KCTD16: variants seen among roughly 807,000 people sequenced by gnomAD.
The protein encoded by KCTD16 is potassium channel tetramerization domain containing 16, also known as BTB/POZ domain-containing protein KCTD16.
A neutral mutation model predicts 33.2 loss-of-function variants in KCTD16; 13 were observed. The ratio of observed to expected loss-of-function variants is 0.39; its 90% confidence interval spans 0.25 to 0.62. The LOEUF (loss-of-function observed/expected upper bound fraction) is 0.62. Among genes scored for constraint, KCTD16 ranks in the 20% least tolerant of loss-of-function variants. The pLI is 0.50. For synonymous variants in KCTD16, 197 were observed against 195.3 expected (o/e 1.01, Z -0.07); for missense variants, 441 against 525.1 (o/e 0.84, Z 1.57).
chr5:144,219,551 C>T (rs1346306547), intron 3 of KCTD16, among the ~76,000 whole-genome samples: 3 of 118,298 alleles, frequency 2.5e-5, no homozygotes, highest in Non-Finnish European at 5.0e-5. Context: ...GACGGAGTCT[C>T]GCTCTGTCTC....
At chr5:144,309,759 A>G (rs1047404777) in intron 3 of KCTD16, among the ~76,000 whole-genome samples, 7 of 151,692 alleles carry the variant, frequency 4.6e-5, no homozygotes, top group Non-Finnish European at 5.9e-5. Context: ...AGACAATCCT[A>G]TGAGAGATGG....
Position 144,326,363 on chromosome 5 carries a change from A to G in KCTD16, c.832+118817A>G, listed in dbSNP as rs144720111. ...AGCAGGAGAAAAATAGAAAATAATT[A>G]TCTCATCGAGGAACAAATAGATCTA... On this transcript the variant is annotated intron_variant, in intron 3 of 3. Coordinates refer to ENST00000512467, the MANE Select transcript of KCTD16 (RefSeq NM_020768.4). Among the ~76,000 whole-genome samples the G allele has an allele frequency of 5.4e-3, 817 of 152,298 alleles. 5 individuals are homozygous for G. The highest frequency in any genetic ancestry group is 0.018 in the African/African-American group (766 of 41,572).
intron 3 of KCTD16, among the ~76,000 whole-genome samples, chr5:144,425,332 G>T (rs1753301897): frequency 6.6e-6 from 1 of 151,912 alleles, no homozygotes; most frequent in Non-Finnish European, 1.5e-5. Flanking sequence ...AAGGCCACAG[G>T]CCTATAGCCT....
intron 3 of KCTD16, among the ~76,000 whole-genome samples, chr5:144,380,088 A>G (rs1752177830): frequency 6.6e-6 from 1 of 152,168 alleles, no homozygotes; most frequent in Non-Finnish European, 1.5e-5. Context: ...TACCTAGAAA[A>G]CCCCATAGTC....
chr5:144,409,262 T>A (rs755859084), intron 3 of KCTD16, among the ~76,000 whole-genome samples: 21 of 152,316 alleles, frequency 1.4e-4, no homozygotes, highest in Admixed American at 3.3e-4. Flanking sequence ...TTTTTACATG[T>A]CTTTAAGTTT....
intron 3 of KCTD16, among the ~76,000 whole-genome samples, chr5:144,375,016 C>T (rs1228987511): frequency 6.6e-6 from 1 of 152,198 alleles, no homozygotes; most frequent in Non-Finnish European, 1.5e-5. Context: ...ATTGCAACAT[C>T]TCTTAGGTCA....
intron 3 of KCTD16, among the ~76,000 whole-genome samples, chr5:144,230,812 A>G (rs974997041): frequency 3.9e-4 from 59 of 152,346 alleles, no homozygotes; most frequent in African/African-American, 1.4e-3. Flanking sequence ...ATATTGTCCC[A>G]GAGATGGCAA....
Position 144,185,508 on chromosome 5 carries a change from T to C in KCTD16, c.-327+11036T>C, listed in dbSNP as rs114349534. Among the ~76,000 whole-genome samples the C allele has an allele frequency of 3.4e-3, 511 of 152,234 alleles. 4 individuals carry two copies. The highest frequency in any genetic ancestry group is 0.012 in the African/African-American group (495 of 41,532). On this transcript the variant is annotated intron_variant, in intron 2 of 3. Coordinates refer to ENST00000512467, the MANE Select transcript of KCTD16 (RefSeq NM_020768.4). ...CTTTTTTGGCTCTGGTTGAGCTTCA[T>C]GTCCATTGCTGTAATAAAAATGGTG...
At chr5:144,198,541 A>C (rs1040256900) in intron 2 of KCTD16, among the ~76,000 whole-genome samples, 1 of 152,138 alleles carries the variant, frequency 6.6e-6, no homozygotes, top group Non-Finnish European at 1.5e-5. Flanking sequence ...TGCAGATGCC[A>C]CTGGTAAGAT....
rs544205382 is a variant in KCTD16, at chr5:144,315,508, C to G, written c.832+107962C>G. Among the ~76,000 whole-genome samples the G allele has an allele frequency of 3.3e-5, 5 of 151,934 alleles. No individual in the cohort carries two copies. In the South Asian group the frequency reaches 1.0e-3, roughly 32 times the overall value. The stretch of plus-strand genomic sequence containing the variant: ...ATACTAAAGTAGAAAATGGAAGTTC[C>G]CTGGAATCTCATCCCAAATATAATG... On this transcript the variant is annotated intron_variant, in intron 3 of 3. Coordinates refer to ENST00000512467, the MANE Select transcript of KCTD16 (RefSeq NM_020768.4).
At chr5:144,242,820 A>T (rs1236947901) in intron 3 of KCTD16, among the ~76,000 whole-genome samples, 1 of 152,170 alleles carries the variant, frequency 6.6e-6, no homozygotes, top group South Asian at 2.1e-4. Context: ...GAACTCACTT[A>T]AGCCCAAGGA....
chr5:144,301,448 G>A (rs1396329752), intron 3 of KCTD16, among the ~76,000 whole-genome samples: 1 of 152,098 alleles, frequency 6.6e-6, no homozygotes, highest in Non-Finnish European at 1.5e-5. Flanking sequence ...TCTTAAATAA[G>A]ACAAGTGTGT....
rs17101843 is a variant in KCTD16, at chr5:144,371,489, A to G, written c.833-102171A>G. Among the ~76,000 whole-genome samples the G allele has an allele frequency of 7.1e-3, 1,076 of 152,254 alleles. 37 individuals are homozygous for G. The highest frequency in any genetic ancestry group is 0.049 in the East Asian group (256 of 5,172). ...CTCAGAGCTTCTGTGTCTCTCTTGT[A>G]AGATGAGTATGTGTTATCTGTTTCT... On this transcript the variant is annotated intron_variant, in intron 3 of 3. Transcript: ENST00000512467.
intron 3 of KCTD16, among the ~76,000 whole-genome samples, chr5:144,396,843 C>T (rs1752577418): frequency 6.6e-6 from 1 of 151,364 alleles, no homozygotes; most frequent in Non-Finnish European, 1.5e-5. Context: ...TGACTTGTGG[C>T]ATCTTCCAGT....
intron 2 of KCTD16, among the ~76,000 whole-genome samples, chr5:144,190,077 C>A (rs549830312): frequency 3.3e-5 from 5 of 152,238 alleles, no homozygotes; most frequent in African/African-American, 1.2e-4. Context: ...ATTTTGATAA[C>A]CCTTCACCCC....
At chr5:144,316,937 C>T (rs1403612569) in intron 3 of KCTD16, among the ~76,000 whole-genome samples, 2 of 150,248 alleles carry the variant, frequency 1.3e-5, no homozygotes, top group Non-Finnish European at 3.0e-5. Context: ...AAGTGATTCT[C>T]CTGTCTCAGC....
intron 3 of KCTD16, among the ~76,000 whole-genome samples, chr5:144,224,486 C>G (rs1345561935): frequency 7.7e-6 from 1 of 130,462 alleles, no homozygotes; most frequent in East Asian, 2.5e-4. Context: ...TAATGGTAAA[C>G]AAAAAAATCT....
intron 3 of KCTD16, among the ~76,000 whole-genome samples, chr5:144,272,362 G>A (rs753484088): frequency 6.6e-6 from 1 of 152,046 alleles, no homozygotes; most frequent in Non-Finnish European, 1.5e-5. Context: ...CCCAGGAGGT[G>A]GAGATTACAG....
intron 3 of KCTD16, among the ~76,000 whole-genome samples, chr5:144,452,500 G>A (rs914967297): frequency 3.3e-5 from 5 of 151,966 alleles, no homozygotes; most frequent in African/African-American, 1.2e-4. Context: ...AGAGACAGGT[G>A]AGAGGGGAAA....
Sources: allele counts gnomAD v4.1 joint callset (sites outside exome capture counted in the v4.1 genomes callset), GRCh38; gene constraint gnomAD v4.1.1; transcripts MANE v1.5; gene names NCBI Gene and HGNC (gene_info 2026-07-23, HGNC 2026-07-21).